The following FRMD4A variants were observed in gnomAD, a reference collection of about 807,000 sequenced individuals.
The protein encoded by FRMD4A is FERM domain-containing protein 4A.
FRMD4A carries 29 observed loss-of-function variants against 129.1 expected under a neutral mutation model. The ratio of observed to expected loss-of-function variants is 0.22; its 90% CI spans 0.17 to 0.31. FRMD4A has a LOEUF of 0.31. Among genes scored for constraint, FRMD4A ranks in the 10% least tolerant of loss-of-function variants. The pLI is 1.00. For missense variants in FRMD4A, 1,272 were observed against 1,375.8 expected (o/e 0.92, Z 1.19); for synonymous variants, 634 against 571.6 (o/e 1.11, Z -1.56).
chr10:14,090,494 T>C (rs1169979776), intron 2 of FRMD4A, among the ~76,000 whole-genome samples: 1 of 152,166 alleles, frequency 6.6e-6, no homozygotes, highest in Non-Finnish European at 1.5e-5. Flanking sequence ...TGCAGGCACC[T>C]GAGTGAAGCA....
At chr10:14,113,904 A>T (rs925235936) in intron 2 of FRMD4A, among the ~76,000 whole-genome samples, 2 of 152,118 alleles carry the variant, frequency 1.3e-5, no homozygotes, top group Admixed American at 1.3e-4. Context: ...TCTGGGAGTC[A>T]CATCTCCGAG....
intron 2 of FRMD4A, among the ~76,000 whole-genome samples, chr10:14,081,482 A>C (rs1238754924): frequency 2.0e-5 from 3 of 152,184 alleles, no homozygotes; most frequent in African/African-American, 7.2e-5. Context: ...AGTGGGAACC[A>C]TGTCTGCCCC....
chr10:13,692,666 A>ATG (rs57548950), intron 15 of FRMD4A: 27,411 of 152,096 alleles, frequency 0.18, 2,769 homozygotes, highest in East Asian at 0.41. Flanking sequence ...TCTCCTGGCT[A>ATG]TGATTGGATC....
chr10:14,240,957 A>G (rs954770208), intron 2 of FRMD4A, among the ~76,000 whole-genome samples: 1 of 151,710 alleles, frequency 6.6e-6, no homozygotes, highest in African/African-American at 2.4e-5. Flanking sequence ...ATTCAGATGC[A>G]TCAGCAGAAC....
chr10:13,825,076 ACTG>A (rs1439376633), intron 3 of FRMD4A, among the ~76,000 whole-genome samples: 1 of 152,096 alleles, frequency 6.6e-6, no homozygotes, highest in Non-Finnish European at 1.5e-5. Flanking sequence ...CCCTATATAT[ACTG>A]CTTTTTGTCC....
At chr10:13,842,288 A>C (rs943378991) in intron 3 of FRMD4A, among the ~76,000 whole-genome samples, 8 of 152,184 alleles carry the variant, frequency 5.3e-5, no homozygotes, top group Non-Finnish European at 7.3e-5. Flanking sequence ...GTTTGCTTAA[A>C]ATAGTTCAGC....
intron 3 of FRMD4A, among the ~76,000 whole-genome samples, chr10:13,836,106 T>C (rs1395997159): frequency 1.3e-5 from 2 of 152,194 alleles, no homozygotes; most frequent in Non-Finnish European, 2.9e-5. Context: ...CAAGGGATTC[T>C]CCTGCTTCAG....
chr10:13,908,039 C>A (rs1239482215), intron 2 of FRMD4A, among the ~76,000 whole-genome samples: 2 of 151,502 alleles, frequency 1.3e-5, no homozygotes, highest in African/African-American at 4.8e-5. Context: ...GTGGCGGGCA[C>A]CTGTAATCCC....
intron 2 of FRMD4A, among the ~76,000 whole-genome samples, chr10:14,282,024 T>C (rs1589261420): frequency 6.6e-6 from 1 of 152,024 alleles, no homozygotes; most frequent in African/African-American, 2.4e-5. Context: ...TGGTGGAAGG[T>C]AAAAAGCACG....
intron 16 of FRMD4A, 41 bp from the exon 17 acceptor site, chr10:13,670,569 A>T (rs2083430315): frequency 6.2e-7 from 1 of 1,604,266 alleles, no homozygotes; most frequent in South Asian, 1.1e-5. Context: ...CACAAATCAG[A>T]GTGGGGCGTG....
chr10:14,231,780 G>T (rs1357271912), intron 2 of FRMD4A, among the ~76,000 whole-genome samples: 1 of 152,172 alleles, frequency 6.6e-6, no homozygotes, highest in Non-Finnish European at 1.5e-5. Flanking sequence ...GGGGTGGGTT[G>T]TGTCTTGCTT....
At chr10:14,326,845 G>A (rs1040889036) in intron 2 of FRMD4A, 32 of 398,658 alleles carry the variant, frequency 8.0e-5, no homozygotes, top group Non-Finnish European at 1.2e-4. Flanking sequence ...GGTGAACACA[G>A]CAGTATCTTC....
In FRMD4A at chr10:14,085,754, T is replaced by G. The variant is rs534003127; in HGVS notation, c.46-226842A>C. On this transcript the variant is annotated intron_variant, in intron 2 of 24. Transcript: ENST00000357447. The stretch of plus-strand genomic sequence containing the variant: ...TGTGAAACTGGTGGAGTCACGATTT[T>G]GGGGCTGGACCATCTGCCTGGTCCC... Among the ~76,000 whole-genome samples the G allele has an allele frequency of 2.0e-5, 3 of 152,340 alleles. No individual in the cohort carries two copies. In the South Asian group the frequency reaches 6.2e-4, roughly 32 times the overall value.
intron 2 of FRMD4A, among the ~76,000 whole-genome samples, chr10:14,068,783 CTGTT>C (rs1194063050): frequency 3.9e-5 from 6 of 151,954 alleles, no homozygotes; most frequent in Admixed American, 1.3e-4. Flanking sequence ...GAGTAGTTTC[CTGTT>C]TGTTTGTTTT....
intron 2 of FRMD4A, among the ~76,000 whole-genome samples, chr10:14,289,254 A>G (rs559994577): frequency 3.3e-5 from 5 of 152,134 alleles, no homozygotes; most frequent in Admixed American, 6.5e-5. Flanking sequence ...AAGGGCTCCA[A>G]TTTATTCGTA....
rs116864176 is a variant in FRMD4A, at chr10:13,966,575, T to C, written c.46-107663A>G. Among the ~76,000 whole-genome samples the C allele has an allele frequency of 9.9e-4, 151 of 152,268 alleles. 5 individuals carry two copies. The East Asian group carries it at 0.026, about 27-fold the overall frequency. On this transcript the variant is annotated intron_variant, in intron 2 of 24. Transcript: ENST00000357447. Reference sequence around the variant, plus strand: ...GGCTGCCACTCACACACAGCCATGGTTCTGGGAGTGAGATGGAAACCCGGG... The same window carrying C: ...GGCTGCCACTCACACACAGCCATGGCTCTGGGAGTGAGATGGAAACCCGGG...
intron 2 of FRMD4A, among the ~76,000 whole-genome samples, chr10:14,240,284 T>A (rs752791826): frequency 6.6e-6 from 1 of 152,184 alleles, no homozygotes; most frequent in African/African-American, 2.4e-5. Context: ...GGCTGCTGCA[T>A]GACGGCCATT....
At chr10:14,085,783 T>C (rs182241486) in intron 2 of FRMD4A, among the ~76,000 whole-genome samples, 2 of 152,348 alleles carry the variant, frequency 1.3e-5, no homozygotes, top group Admixed American at 1.3e-4. Context: ...TGGTCCCAAA[T>C]GTAATTCATG....
intron 2 of FRMD4A, among the ~76,000 whole-genome samples, chr10:14,111,997 G>A (rs1837933679): frequency 7.5e-6 from 1 of 132,800 alleles, no homozygotes; most frequent in African/African-American, 2.9e-5. Context: ...AGGGAAGGAA[G>A]GGAGGGAAGG....
Sources: gnomAD v4.1 joint callset for allele counts (sites outside exome capture counted in the v4.1 genomes callset) on GRCh38, gnomAD v4.1.1 for gene constraint, MANE v1.5 for transcripts, NCBI Gene and HGNC (gene_info 2026-07-23, HGNC 2026-07-21) for gene names.